The following AMBRA1 variants were observed in gnomAD, a reference collection of about 807,000 sequenced individuals.
The protein encoded by AMBRA1 is autophagy and beclin 1 regulator 1.
AMBRA1 carries 47 observed loss-of-function variants against 125.4 expected under a neutral mutation model. That is an observed-to-expected ratio of 0.37 (90% CI 0.30 to 0.48). AMBRA1 has a LOEUF of 0.48. Among genes scored for constraint, AMBRA1 ranks in the 20% least tolerant of loss-of-function variants. The probability of loss-of-function intolerance (pLI) is 0.99; values close to 1 mark genes in which losing one functional copy is unlikely to be tolerated. For synonymous variants in AMBRA1, 626 were observed against 655.5 expected, an observed-to-expected ratio of 0.95 and a Z score of 0.69; for missense variants, 1,331 against 1,693.4, an observed-to-expected ratio of 0.79 and a Z score of 3.76.
chr11:46,541,482 GAAGTGAACTCAGTTGTCC>G (rs1952738983), intron 7 of AMBRA1, among the ~76,000 whole-genome samples: 1 of 152,034 alleles, frequency 6.6e-6, no homozygotes, highest in Non-Finnish European at 1.5e-5. Context: ...TAAGGATTAG[GAAGTGAACTCAGTTGTCC>G]AAAGCAATAC....
In AMBRA1 at chr11:46,587,863, G is replaced by T. The variant is rs113370226; in HGVS notation, c.-121+5965C>A. ...TGAACAAACATCTTCATAGGTAAGG[G>T]TTGAAACACACAGTCACAATCAAGA... On this transcript the variant is annotated intron_variant, in intron 1 of 17. Transcript: ENST00000683756. Among the ~76,000 whole-genome samples, 1,105 of 152,204 alleles carry T rather than the reference G, an allele frequency of 7.3e-3. 13 individuals are homozygous for T. Among genetic ancestry groups the T allele is most frequent in the African/African-American group, 0.025 (1,053 of 41,526 alleles).
intron 1 of AMBRA1, among the ~76,000 whole-genome samples, chr11:46,551,367 C>T (rs575571164): frequency 1.3e-5 from 2 of 151,840 alleles, no homozygotes; most frequent in African/African-American, 2.4e-5. Flanking sequence ...GGCTGGAGTG[C>T]GATGGTGCAA....
intron 1 of AMBRA1, among the ~76,000 whole-genome samples, chr11:46,589,119 T>G (rs1406091871): frequency 6.6e-6 from 1 of 152,244 alleles, no homozygotes; most frequent in Non-Finnish European, 1.5e-5. Flanking sequence ...AACCTAGGGC[T>G]TAAACCCAGA....
chr11:46,541,889 G>C, intron 7 of AMBRA1, 56 bp downstream of exon 7: 1 of 1,586,922 alleles, frequency 6.3e-7, no homozygotes, highest in South Asian at 1.2e-5. Context: ...AGGACTCAAG[G>C]AAATGATACA....
intron 5 of AMBRA1, among the ~76,000 whole-genome samples, chr11:46,545,401 G>A (rs561393876): frequency 5.9e-5 from 9 of 152,054 alleles, no homozygotes; most frequent in South Asian, 4.2e-4. Flanking sequence ...GGCAGAGGTC[G>A]CAGTGAGACA....
At chr11:46,458,587 A>G (rs1342787261) in intron 11 of AMBRA1, among the ~76,000 whole-genome samples, 2 of 152,096 alleles carry the variant, frequency 1.3e-5, no homozygotes, top group Non-Finnish European at 2.9e-5. Context: ...TCCTTCATAT[A>G]ATATTTTTTA....
At chr11:46,398,677 C>T (rs948133882) in intron 17 of AMBRA1, among the ~76,000 whole-genome samples, 4 of 152,114 alleles carry the variant, frequency 2.6e-5, no homozygotes, top group Non-Finnish European at 5.9e-5. Flanking sequence ...AGGGTTTCAC[C>T]ATGTTAACCA....
intron 4 of AMBRA1, 184 bp from the exon 5 acceptor site, chr11:46,545,960 C>A: frequency 1.9e-6 from 1 of 538,696 alleles, no homozygotes; most frequent in Non-Finnish European, 3.3e-6. Context: ...CAGATAAATA[C>A]TATACAATCA....
chr11:46,419,156 T>C (rs539053844), intron 14 of AMBRA1, among the ~76,000 whole-genome samples: 27 of 152,362 alleles, frequency 1.8e-4, no homozygotes, highest in Non-Finnish European at 2.2e-4. Context: ...TTCTAGCTTA[T>C]ATAAATCACC....
At chr11:46,474,559 C>T (rs919994547) in intron 11 of AMBRA1, among the ~76,000 whole-genome samples, 2 of 152,046 alleles carry the variant, frequency 1.3e-5, no homozygotes, top group East Asian at 1.9e-4. Context: ...TGGCTGACTT[C>T]GTATTTTTAG....
Position 46,548,317 on chromosome 11 carries a change from C to T in AMBRA1, c.64G>A (p.Ala22Thr). The T allele has an allele frequency of 6.2e-7, 1 of 1,614,144 alleles. No homozygotes were observed. Among genetic ancestry groups the T allele is most frequent in the Non-Finnish European group, 8.5e-7 (1 of 1,180,040 alleles). ...TGCAGAAGCCGCTGAGCTCCCATGG[C>T]CCGAGCACCCCGTTCTCGCCCCCAG... Reference protein sequence around the residue: ...ILWGRERGARAMGAQRLLQEL... With the variant: ...ILWGRERGARTMGAQRLLQEL... The change falls in exon 2 of 18, where the codon GCC becomes ACC. Residue 22 changes from alanine (A) to threonine (T), a missense_variant. Ala to Thr is a moderately conservative substitution (Grantham distance 58). Transcript: ENST00000683756.
chr11:46,432,586 C>T (rs755049350), intron 14 of AMBRA1, among the ~76,000 whole-genome samples: 1 of 152,146 alleles, frequency 6.6e-6, no homozygotes, highest in Non-Finnish European at 1.5e-5. Context: ...TCTACATGCA[C>T]AGCACTAAAT....
intron 1 of AMBRA1, among the ~76,000 whole-genome samples, chr11:46,582,533 T>C (rs1401766689): frequency 6.6e-6 from 1 of 152,208 alleles, no homozygotes; most frequent in African/African-American, 2.4e-5. Context: ...AGTCTCACTA[T>C]ATTGACCTAG....
At chr11:46,429,848 T>C (rs2136696087) in intron 14 of AMBRA1, among the ~76,000 whole-genome samples, 1 of 152,124 alleles carries the variant, frequency 6.6e-6, no homozygotes, top group Non-Finnish European at 1.5e-5. Context: ...CTCAGCAGTC[T>C]CTAAAAGCTT....
At chr11:46,400,932 G>A (rs1945724729) in intron 17 of AMBRA1, among the ~76,000 whole-genome samples, 1 of 152,184 alleles carries the variant, frequency 6.6e-6, no homozygotes, top group Admixed American at 6.5e-5. Flanking sequence ...AGGGCAGAAG[G>A]AGAGAAAACC....
chr11:46,581,554 C>G (rs1351481492), intron 1 of AMBRA1, among the ~76,000 whole-genome samples: 1 of 151,830 alleles, frequency 6.6e-6, no homozygotes, highest in African/African-American at 2.4e-5. Flanking sequence ...TGCAGCAAGC[C>G]GAGATCGCAC....
intron 9 of AMBRA1, among the ~76,000 whole-genome samples, chr11:46,505,672 G>A (rs1029354864): frequency 2.0e-5 from 3 of 151,024 alleles, no homozygotes; most frequent in Non-Finnish European, 4.4e-5. Context: ...AAAGCCAGGG[G>A]AGGGGGTGGG....
intron 14 of AMBRA1, among the ~76,000 whole-genome samples, chr11:46,425,092 C>T (rs565625513): frequency 2.0e-5 from 3 of 152,298 alleles, no homozygotes; most frequent in African/African-American, 7.2e-5. Context: ...CGAGATCACG[C>T]CACTGCACTC....
At position 46,494,176 on chromosome 11, in the gene AMBRA1, C is replaced by T. The variant is rs537702870; in HGVS notation, c.2368G>A (p.Ala790Thr). ...GCAGACATCCGGGCATTGCGTGGAG[C>T]TCGGTGCCTGGATCTGTCACCATTG... ...EDNGDRSRHRAPRNARMSAPS... is the reference protein window; with the variant it reads ...EDNGDRSRHRTPRNARMSAPS... Residue 790 changes from alanine to threonine, a missense_variant, in exon 10 of 18, where the codon GCT becomes ACT. Coordinates refer to ENST00000683756, the MANE Select transcript of AMBRA1 (RefSeq NM_001387011.1). 263 of 1,607,014 alleles carry T rather than the reference C, an allele frequency of 1.6e-4. 5 individuals carry two copies. In the South Asian group the frequency reaches 2.8e-3, roughly 17 times the overall value.
Sources: gnomAD v4.1 joint callset for allele counts (sites outside exome capture counted in the v4.1 genomes callset) on GRCh38, gnomAD v4.1.1 for gene constraint, MANE v1.5 for transcripts, NCBI Gene and HGNC (gene_info 2026-07-23, HGNC 2026-07-21) for gene names.